Variants in GRIN2A observed in about 807,000 individuals in gnomAD.
GRIN2A encodes glutamate receptor ionotropic, NMDA 2A.
GRIN2A carries 22 observed loss-of-function variants against 113.4 expected under a neutral mutation model. The ratio of observed to expected loss-of-function variants is 0.19; its 90% CI spans 0.14 to 0.28. GRIN2A has a LOEUF of 0.28. Among genes scored for constraint, GRIN2A ranks in the 10% least tolerant of loss-of-function variants. GRIN2A has a pLI of 1.00. For synonymous variants in GRIN2A, 827 were observed against 738.4 expected, an observed-to-expected ratio of 1.12 and a Z score of -1.94; for missense variants, 1,502 against 1,887.0, an observed-to-expected ratio of 0.80 and a Z score of 3.78.
intron 2 of GRIN2A, among the ~76,000 whole-genome samples, chr16:10,069,501 G>C (rs147455769): frequency 1.3e-5 from 2 of 152,178 alleles, no homozygotes; most frequent in Admixed American, 1.3e-4. Flanking sequence ...CTTGCAATGC[G>C]TCAGTCCCCC....
chr16:9,899,537 A>G (rs8054982), intron 3 of GRIN2A, among the ~76,000 whole-genome samples: 40,489 of 150,516 alleles, frequency 0.27, 6,054 homozygotes, highest in African/African-American at 0.39. Flanking sequence ...CAACATAAAG[A>G]AACAGAAAGA....
intron 2 of GRIN2A, among the ~76,000 whole-genome samples, chr16:9,947,122 C>T (rs1483221331): frequency 2.0e-5 from 3 of 152,128 alleles, no homozygotes; most frequent in Admixed American, 6.5e-5. Flanking sequence ...CTCTCTTCAT[C>T]ATCCTTCCCT....
Position 10,074,369 on chromosome 16 carries a change from T to G in GRIN2A, c.414+105629A>C, listed in dbSNP as rs566639496. ...CTCCTATATGATCCAGCAATTCCAT[T>G]TCTAGGTATGTATATACCCAAGAGA... is the stretch of plus-strand genomic sequence containing the variant. On this transcript the variant is annotated intron_variant, in intron 2 of 12. Coordinates refer to ENST00000330684, the MANE Select transcript of GRIN2A (RefSeq NM_001134407.3). 2.6e-5 allele frequency among the ~76,000 whole-genome samples: 4 copies of G among 152,364 alleles called. No individual in the cohort carries two copies. The East Asian group carries it at 7.7e-4, about 29-fold the overall frequency.
Position 10,115,731 on chromosome 16 carries a change from G to A in GRIN2A, c.414+64267C>T, listed in dbSNP as rs544947155. Among the ~76,000 whole-genome samples the A allele has an allele frequency of 6.1e-4, 93 of 152,328 alleles. 1 individual carries two copies. The highest frequency in any genetic ancestry group is 2.1e-3 in the African/African-American group (87 of 41,578). Reference sequence around the variant, plus strand: ...TTTTGTGTGAATGGGGTATGGGGGCGTGGGGACACTGTTTCTCAGAAGCCT... The same window carrying A: ...TTTTGTGTGAATGGGGTATGGGGGCATGGGGACACTGTTTCTCAGAAGCCT... On this transcript the variant is annotated intron_variant, in intron 2 of 12. Transcript: ENST00000330684.
intron 3 of GRIN2A, among the ~76,000 whole-genome samples, chr16:9,895,993 A>G (rs1446336827): frequency 2.0e-5 from 3 of 152,218 alleles, no homozygotes; most frequent in South Asian, 2.1e-4. Context: ...CGATAAAGAC[A>G]CTTGCTCCTG....
intron 2 of GRIN2A, chr16:9,943,144 G>A (rs1219463043): frequency 6.6e-6 from 1 of 152,218 alleles, no homozygotes; most frequent in Non-Finnish European, 1.5e-5. Context: ...CTCCTGCCAT[G>A]GCTCAGCCTG....
At chr16:9,877,626 C>T (rs1378759323) in intron 4 of GRIN2A, among the ~76,000 whole-genome samples, 1 of 127,692 alleles carries the variant, frequency 7.8e-6, no homozygotes, top group African/African-American at 3.0e-5. Context: ...CCCTTCCTCT[C>T]CCCAGTTCCG....
intron 7 of GRIN2A, among the ~76,000 whole-genome samples, chr16:9,839,250 C>A (rs551755562): frequency 1.3e-5 from 2 of 152,212 alleles, no homozygotes; most frequent in South Asian, 4.1e-4. Flanking sequence ...TAATACAACA[C>A]TTTCCTTTAA....
At chr16:9,947,509 A>G (rs530489269) in intron 2 of GRIN2A, among the ~76,000 whole-genome samples, 12 of 152,390 alleles carry the variant, frequency 7.9e-5, no homozygotes, top group Non-Finnish European at 1.5e-4. Flanking sequence ...GGGCTTTCCC[A>G]TAACACTTGC....
At chr16:10,103,096 T>C (rs1367816662) in intron 2 of GRIN2A, among the ~76,000 whole-genome samples, 1 of 152,224 alleles carries the variant, frequency 6.6e-6, no homozygotes, top group Non-Finnish European at 1.5e-5. Flanking sequence ...TCCTTTTATT[T>C]TCTCTAATAG....
chr16:9,965,479 C>T (rs1174862731), intron 2 of GRIN2A, among the ~76,000 whole-genome samples: 1 of 152,176 alleles, frequency 6.6e-6, no homozygotes, highest in South Asian at 2.1e-4. Context: ...GAATAAGAGA[C>T]TTTTGGGATA....
At chr16:10,030,899 G>A (rs2046916049) in intron 2 of GRIN2A, among the ~76,000 whole-genome samples, 1 of 152,200 alleles carries the variant, frequency 6.6e-6, no homozygotes, top group Admixed American at 6.5e-5. Context: ...ATAAATAGAT[G>A]TATTATTTGT....
chr16:10,029,335 C>A (rs546713553), intron 2 of GRIN2A, among the ~76,000 whole-genome samples: 10 of 152,210 alleles, frequency 6.6e-5, no homozygotes, highest in Non-Finnish European at 1.3e-4. Flanking sequence ...GCTGGAATTA[C>A]AGGCATGCAC....
At chr16:9,971,668 A>C (rs1273827268) in intron 2 of GRIN2A, among the ~76,000 whole-genome samples, 1 of 152,232 alleles carries the variant, frequency 6.6e-6, no homozygotes, top group Non-Finnish European at 1.5e-5. Context: ...AAATTATCTG[A>C]TCTAGTTTAT....
At chr16:9,917,423 G>A (rs1180646893) in intron 3 of GRIN2A, among the ~76,000 whole-genome samples, 2 of 152,212 alleles carry the variant, frequency 1.3e-5, no homozygotes, top group Non-Finnish European at 1.5e-5. Flanking sequence ...AATTGTGACT[G>A]CTGTCCACTA....
At chr16:9,804,615 C>A (rs983160748) in intron 10 of GRIN2A, among the ~76,000 whole-genome samples, 6 of 151,964 alleles carry the variant, frequency 3.9e-5, no homozygotes, top group Non-Finnish European at 8.8e-5. Context: ...GGGGTCCATG[C>A]CACCTTTCTG....
At chr16:10,048,736 C>CACACTTGG (rs201234972) in intron 2 of GRIN2A, among the ~76,000 whole-genome samples, 1,739 of 144,576 alleles carry the variant, frequency 0.012, 31 homozygotes, top group African/African-American at 0.042. Context: ...AGTAATACCC[C>CACACTTGG]ACACTTGGCC....
At chr16:9,864,678 G>A (rs1216142750) in intron 4 of GRIN2A, among the ~76,000 whole-genome samples, 2 of 152,118 alleles carry the variant, frequency 1.3e-5, no homozygotes, top group Non-Finnish European at 2.9e-5. Flanking sequence ...CTCATTGACT[G>A]TGTCTGCAGA....
At chr16:9,930,863 A>G (rs1379857524) in intron 3 of GRIN2A, among the ~76,000 whole-genome samples, 1 of 152,344 alleles carries the variant, frequency 6.6e-6, no homozygotes, top group South Asian at 2.1e-4. Context: ...AAGTAGTATC[A>G]ATGTAACTTA....
Sources: gnomAD v4.1 joint callset for allele counts (sites outside exome capture counted in the v4.1 genomes callset) on GRCh38, gnomAD v4.1.1 for gene constraint, MANE v1.5 for transcripts, NCBI Gene and HGNC (gene_info 2026-07-23, HGNC 2026-07-21) for gene names.